The following PTPRT variants were observed in gnomAD, a reference collection of about 807,000 sequenced individuals.
PTPRT encodes receptor-type tyrosine-protein phosphatase T.
In PTPRT, 56 loss-of-function variants were observed where a neutral mutation model predicts 176.8. The observed-to-expected ratio is 0.32, with a 90% confidence interval of 0.26 to 0.40. PTPRT has a LOEUF of 0.40. Ranked by LOEUF, PTPRT falls within the 10% of genes least tolerant of loss-of-function variation. PTPRT has a pLI of 1.00. For missense variants in PTPRT, 1,540 were observed against 1,908.2 expected, an observed-to-expected ratio of 0.81 and a Z score of 3.60; for synonymous variants, 783 against 739.0, an observed-to-expected ratio of 1.06 and a Z score of -0.96.
In PTPRT at chr20:42,716,181, G is replaced by A. The variant is rs146014454; in HGVS notation, c.860-38022C>T. On this transcript the variant is annotated intron_variant, in intron 6 of 30. Coordinates refer to ENST00000373187, the MANE Select transcript of PTPRT (RefSeq NM_007050.6). ...ATAGAGATGCTCTGCTAAATAGCTCGGATCAGCTGACTCCTAACTAAACCA... is the reference window on the plus strand; with the variant it reads ...ATAGAGATGCTCTGCTAAATAGCTCAGATCAGCTGACTCCTAACTAAACCA... Among the ~76,000 whole-genome samples, 27 of 151,988 alleles carry A rather than the reference G, an allele frequency of 1.8e-4. No individual in the cohort carries two copies. The East Asian group carries it at 4.4e-3, about 25-fold the overall frequency.
intron 6 of PTPRT, among the ~76,000 whole-genome samples, chr20:42,732,572 G>A (rs2076477608): frequency 6.6e-6 from 1 of 152,184 alleles, no homozygotes; most frequent in Non-Finnish European, 1.5e-5. Flanking sequence ...CGAGAAGAAG[G>A]TGAAGGGGCA....
At chr20:42,979,862 G>A (rs569405410) in intron 1 of PTPRT, among the ~76,000 whole-genome samples, 7 of 151,766 alleles carry the variant, frequency 4.6e-5, no homozygotes, top group Non-Finnish European at 8.8e-5. Context: ...TTCCCAGAAC[G>A]TCTATCCTGT....
chr20:42,439,251 T>C (rs1164891594), intron 9 of PTPRT, among the ~76,000 whole-genome samples: 8 of 152,140 alleles, frequency 5.3e-5, no homozygotes, highest in Non-Finnish European at 1.0e-4. Flanking sequence ...AAATCTATTG[T>C]TTTGTGTGTG....
chr20:43,139,851 T>G (rs920877195), intron 1 of PTPRT, among the ~76,000 whole-genome samples: 1 of 152,190 alleles, frequency 6.6e-6, no homozygotes, highest in Non-Finnish European at 1.5e-5. Flanking sequence ...TGGGCCTCAT[T>G]GCAGAATGAG....
At chr20:42,094,999 A>G (rs568033776) in intron 27 of PTPRT, among the ~76,000 whole-genome samples, 1 of 152,282 alleles carries the variant, frequency 6.6e-6, no homozygotes, top group Non-Finnish European at 1.5e-5. Context: ...TCAAAGTGCT[A>G]GGTAAGATTA....
chr20:43,036,466 G>A (rs1277562453), intron 1 of PTPRT, among the ~76,000 whole-genome samples: 1 of 152,152 alleles, frequency 6.6e-6, no homozygotes, highest in Non-Finnish European at 1.5e-5. Flanking sequence ...ATTTTGATGG[G>A]AGGAATAACT....
At chr20:43,139,665 G>A (rs2013941687) in intron 1 of PTPRT, among the ~76,000 whole-genome samples, 1 of 152,156 alleles carries the variant, frequency 6.6e-6, no homozygotes, top group African/African-American at 2.4e-5. Context: ...TATGAGGGAG[G>A]GAGGTGTTCT....
chr20:43,061,077 C>T (rs552380209), intron 1 of PTPRT, among the ~76,000 whole-genome samples: 7 of 132,554 alleles, frequency 5.3e-5, no homozygotes, highest in South Asian at 2.6e-4. Flanking sequence ...AGTGGATGGG[C>T]GGATAAATGA....
chr20:42,881,651 G>A (rs2079011362), intron 2 of PTPRT, among the ~76,000 whole-genome samples: 1 of 150,904 alleles, frequency 6.6e-6, no homozygotes, highest in South Asian at 2.1e-4. Flanking sequence ...CTTGAACCTG[G>A]GAGGTGGAGG....
At chr20:42,621,539 G>A (rs1253621524) in intron 7 of PTPRT, among the ~76,000 whole-genome samples, 1 of 152,296 alleles carries the variant, frequency 6.6e-6, no homozygotes, top group East Asian at 1.9e-4. Flanking sequence ...GGGGCCGCTT[G>A]GCAAGCATAC....
chr20:42,649,131 T>G (rs1394826282), intron 7 of PTPRT, among the ~76,000 whole-genome samples: 2 of 152,118 alleles, frequency 1.3e-5, no homozygotes, highest in Admixed American at 6.5e-5. Context: ...GGAAAGAGGT[T>G]TAATGGACTC....
chr20:42,476,342 A>G (rs1184006558), intron 7 of PTPRT, among the ~76,000 whole-genome samples: 4 of 152,180 alleles, frequency 2.6e-5, no homozygotes, highest in Non-Finnish European at 4.4e-5. Flanking sequence ...ATGGCAGAAT[A>G]TTGGGTGAAG....
chr20:42,048,660 G>C, the PTPRT span, among the ~76,000 whole-genome samples: 20 of 152,082 alleles, frequency 1.3e-4, no homozygotes, highest in Non-Finnish European at 2.5e-4. Flanking sequence ...AGATGATTTT[G>C]GCCCCTAGCC....
intron 1 of PTPRT, among the ~76,000 whole-genome samples, chr20:42,887,199 T>C (rs535280661): frequency 1.3e-5 from 2 of 152,228 alleles, no homozygotes; most frequent in South Asian, 4.2e-4. Flanking sequence ...CCCAAAGTGA[T>C]AGTATTAGGA....
At chr20:43,048,588 G>A (rs1986926493) in intron 1 of PTPRT, among the ~76,000 whole-genome samples, 1 of 152,168 alleles carries the variant, frequency 6.6e-6, no homozygotes, top group Non-Finnish European at 1.5e-5. Flanking sequence ...GTGGGAAACA[G>A]CAGATATTTG....
At chr20:42,141,323 C>G (rs531325686) in intron 18 of PTPRT, among the ~76,000 whole-genome samples, 5 of 152,320 alleles carry the variant, frequency 3.3e-5, no homozygotes, top group African/African-American at 1.2e-4. Flanking sequence ...TGGGCATACC[C>G]CAAGCCCCAG....
chr20:42,118,987 C>T (rs906671115), intron 20 of PTPRT, among the ~76,000 whole-genome samples: 14 of 130,114 alleles, frequency 1.1e-4, no homozygotes, highest in African/African-American at 4.0e-4. Flanking sequence ...TGGAGGCATT[C>T]CTCTAGGGCC....
chr20:42,414,722 G>A (rs1365090551), intron 9 of PTPRT, among the ~76,000 whole-genome samples: 4 of 152,132 alleles, frequency 2.6e-5, no homozygotes, highest in Non-Finnish European at 5.9e-5. Flanking sequence ...GTACCTATGT[G>A]AATAAAGCTA....
intron 1 of PTPRT, among the ~76,000 whole-genome samples, chr20:43,009,098 A>G (rs1478132514): frequency 6.6e-6 from 1 of 152,204 alleles, no homozygotes; most frequent in East Asian, 1.9e-4. Flanking sequence ...CAATGGCAAG[A>G]CAGGGCAAGG....
Sources: allele counts gnomAD v4.1 joint callset (sites outside exome capture counted in the v4.1 genomes callset), GRCh38; gene constraint gnomAD v4.1.1; transcripts MANE v1.5; gene names NCBI Gene and HGNC (gene_info 2026-07-23, HGNC 2026-07-21).